The following RAP1GAP2 variants were observed in gnomAD, a reference collection of about 807,000 sequenced individuals.
The protein encoded by RAP1GAP2 is RAP1 GTPase activating protein 2.
A neutral mutation model predicts 95.0 loss-of-function variants in RAP1GAP2; 27 were observed. The ratio of observed to expected loss-of-function variants is 0.28; its 90% CI spans 0.21 to 0.39. The LOEUF is 0.39. Among genes scored for constraint, RAP1GAP2 ranks in the 10% least tolerant of loss-of-function variants. The pLI, the probability that RAP1GAP2 is intolerant of heterozygous loss-of-function variation, is 1.00. For synonymous variants in RAP1GAP2, 373 were observed against 380.9 expected, an observed-to-expected ratio of 0.98 and a Z score of 0.24; for missense variants, 771 against 970.0, an observed-to-expected ratio of 0.79 and a Z score of 2.72.
chr17:3,016,975 A>G (rs2046789738), intron 17 of RAP1GAP2, among the ~76,000 whole-genome samples: 1 of 152,212 alleles, frequency 6.6e-6, no homozygotes, highest in African/African-American at 2.4e-5. Flanking sequence ...GGAATGATCA[A>G]AGGGTTACTG....
chr17:2,821,373 CTTT>C (rs10566772), intron 2 of RAP1GAP2, among the ~76,000 whole-genome samples: 12 of 118,514 alleles, frequency 1.0e-4, no homozygotes, highest in African/African-American at 3.4e-4. Context: ...TTCTTTACAC[CTTT>C]TTTTTTTTTT....
chr17:2,807,690 C>T (rs1439999686), intron 2 of RAP1GAP2, among the ~76,000 whole-genome samples: 3 of 152,112 alleles, frequency 2.0e-5, no homozygotes, highest in Non-Finnish European at 2.9e-5. Context: ...CAGGTGGGAC[C>T]TGGGAGCAGT....
intron 1 of RAP1GAP2, among the ~76,000 whole-genome samples, chr17:2,785,590 CCAGTCA>C (rs1417727968): frequency 1.3e-5 from 2 of 152,184 alleles, no homozygotes; most frequent in Non-Finnish European, 2.9e-5. Flanking sequence ...CATGTAGCTC[CCAGTCA>C]CATTTCCCAC....
rs1247964025 is a variant in RAP1GAP2 at position 2,902,577 on chromosome 17, T to C, written c.81-2707T>C. On this transcript the variant is annotated intron_variant, in intron 2 of 24. Coordinates refer to ENST00000254695, the MANE Select transcript of RAP1GAP2 (RefSeq NM_015085.5). The surrounding 1 kb of genome is among the most constrained non-coding windows in gnomAD (Gnocchi z 4.1). ...CTTCTGCCCACCCTGGCACCCCCTC[T>C]GGAGTCCTGGACACAGCGCTGGAGC... Among the ~76,000 whole-genome samples the C allele has an allele frequency of 2.0e-5, 3 of 152,170 alleles. No homozygotes were observed. Among genetic ancestry groups the C allele is most frequent in the Non-Finnish European group, 4.4e-5 (3 of 68,020 alleles).
rs1567682270 is a variant in RAP1GAP2, at chr17:2,825,222, C to T, written c.80+24672C>T. ...TTGCTGGTATTATGGGTGTGAGCCACCACACCTAGTCCCATCTTCCCTTTC... is the reference window on the plus strand; with the variant it reads ...TTGCTGGTATTATGGGTGTGAGCCATCACACCTAGTCCCATCTTCCCTTTC... On this transcript the variant is annotated intron_variant, in intron 2 of 24. Coordinates refer to ENST00000254695, the MANE Select transcript of RAP1GAP2 (RefSeq NM_015085.5). The surrounding 1 kb of genome is among the most constrained non-coding windows in gnomAD (Gnocchi z 4.1). Among the ~76,000 whole-genome samples, 1 of 152,276 alleles carries T rather than the reference C, an allele frequency of 6.6e-6. No individual in the cohort carries two copies. The highest frequency in any genetic ancestry group is 1.9e-4 in the East Asian group (1 of 5,188).
At chr17:2,939,052 T>C (rs2043394541) in intron 3 of RAP1GAP2, among the ~76,000 whole-genome samples, 1 of 152,168 alleles carries the variant, frequency 6.6e-6, no homozygotes, top group African/African-American at 2.4e-5. Context: ...TCCCTATGCC[T>C]CTGCACACCC....
rs2042075086 is a variant in RAP1GAP2, at chr17:2,902,995, G to C, written c.81-2289G>C. On this transcript the variant is annotated intron_variant, in intron 2 of 24. Transcript: ENST00000254695. This position sits in a 1 kb window ranked among gnomAD's most constrained non-coding sequence, Gnocchi z 4.1. ...CCAGTGACCGGTGATGTTAAAACCA[G>C]CTCTGTCCTCCTCTGGACTGTGTGT... Among the ~76,000 whole-genome samples, 1 of 152,200 alleles carries C rather than the reference G, an allele frequency of 6.6e-6. No individual in the cohort carries two copies. The highest frequency in any genetic ancestry group is 6.5e-5 in the Admixed American group (1 of 15,270).
intron 3 of RAP1GAP2, among the ~76,000 whole-genome samples, chr17:2,926,971 A>C (rs1168535970): frequency 7.6e-6 from 1 of 132,450 alleles, no homozygotes; most frequent in Non-Finnish European, 1.6e-5. Context: ...GTGCCACTGC[A>C]CTCCAGCCTG....
At chr17:2,878,258 G>A (rs1432570312) in intron 2 of RAP1GAP2, among the ~76,000 whole-genome samples, 2 of 152,118 alleles carry the variant, frequency 1.3e-5, no homozygotes, top group Non-Finnish European at 2.9e-5. Context: ...CCTAGGAGGA[G>A]GAGCAGGTTG....
chr17:2,920,333 G>A (rs2042718057), intron 3 of RAP1GAP2, among the ~76,000 whole-genome samples: 1 of 152,150 alleles, frequency 6.6e-6, no homozygotes, highest in Admixed American at 6.5e-5. Context: ...TAGAGCACTT[G>A]GCATTCAGGG....
rs369422909 is a variant in RAP1GAP2 at position 2,825,523 on chromosome 17, C to A, written c.80+24973C>A. On this transcript the variant is annotated intron_variant, in intron 2 of 24. Coordinates refer to ENST00000254695, the MANE Select transcript of RAP1GAP2 (RefSeq NM_015085.5). This position sits in a 1 kb window ranked among gnomAD's most constrained non-coding sequence, Gnocchi z 4.1. ...AGCCAGCCGCCTCTGTTTTAGGAGC[C>A]GGGGATCCCTTTGTTGAATCCTGGC... is the stretch of plus-strand genomic sequence containing the variant. Among the ~76,000 whole-genome samples the A allele has an allele frequency of 6.6e-6, 1 of 152,036 alleles. No individual in the cohort carries two copies. The highest frequency in any genetic ancestry group is 1.9e-4 in the East Asian group (1 of 5,194).
At chr17:2,850,544 C>G (rs184753104) in intron 2 of RAP1GAP2, among the ~76,000 whole-genome samples, 7,943 of 149,202 alleles carry the variant, frequency 0.053, 464 homozygotes, top group African/African-American at 0.14. Flanking sequence ...GTCAGGAGAT[C>G]GAGACCATCC....
In RAP1GAP2 at chr17:3,008,734, C is replaced by T. The variant is rs1267745535; in HGVS notation, c.1494+589C>T. On this transcript the variant is annotated intron_variant, in intron 17 of 24. Transcript: ENST00000254695. This position sits in a 1 kb window ranked among gnomAD's most constrained non-coding sequence, Gnocchi z 4.2. ...TCCCTGGAAGTATTCAAGTGGAGCT[C>T]GGACGGCCCCCGAGCTGGCGTGTGG... 5.3e-5 allele frequency among the ~76,000 whole-genome samples: 8 copies of T among 152,196 alleles called. No homozygotes were observed. The highest frequency in any genetic ancestry group is 3.8e-4 in the East Asian group (2 of 5,196).
chr17:2,870,119 C>CTTT lies in RAP1GAP2; in HGVS notation c.81-35152_81-35150dup, dbSNP rs1218487336. Among the ~76,000 whole-genome samples the CTTT allele has an allele frequency of 7.1e-6, 1 of 141,240 alleles. No individual in the cohort carries two copies. The allele number at this position is 141,240 out of a possible 152,430, so 92.7% of individuals were successfully genotyped here. On this transcript the variant is annotated intron_variant, in intron 2 of 24. Coordinates refer to ENST00000254695, the MANE Select transcript of RAP1GAP2 (RefSeq NM_015085.5). This position sits in a 1 kb window ranked among gnomAD's most constrained non-coding sequence, Gnocchi z 4.4. ...GCACTCTGTGCTGCTGCTTGACAAT[C>CTTT]TTTTTTTTTTTTTTTGGAGATGGAG...
intron 1 of RAP1GAP2, among the ~76,000 whole-genome samples, chr17:2,769,603 AAAT>A (rs1434106993): frequency 2.6e-5 from 4 of 152,040 alleles, no homozygotes; most frequent in African/African-American, 9.6e-5. Flanking sequence ...AAATAAAATA[AAAT>A]AAAAAAGAAA....
At chr17:2,794,266 G>C (rs895738810), upstream of RAP1GAP2, among the ~76,000 whole-genome samples, 7 of 152,062 alleles carry the variant, frequency 4.6e-5, no homozygotes, top group African/African-American at 1.7e-4. Context: ...GGTTTACTTA[G>C]GTCTCCTGAA....
intron 2 of RAP1GAP2, among the ~76,000 whole-genome samples, chr17:2,820,142 A>G (rs536542286): frequency 4.6e-5 from 7 of 152,024 alleles, no homozygotes; most frequent in African/African-American, 1.4e-4. Flanking sequence ...TTTTTTTTGT[A>G]TCCCCCATTG....
At chr17:2,798,306 G>A (rs941167802) in intron 1 of RAP1GAP2, among the ~76,000 whole-genome samples, 3 of 152,156 alleles carry the variant, frequency 2.0e-5, no homozygotes, top group Non-Finnish European at 2.9e-5. Context: ...GCCCTGCCCC[G>A]TCGCGTTCAC....
intron 2 of RAP1GAP2, chr17:2,853,997 T>C (rs1337788221): frequency 2.0e-6 from 2 of 984,298 alleles, no homozygotes; most frequent in African/African-American, 1.8e-5. Context: ...GGCCTCGCCA[T>C]GTCCCAGCCC....
Sources: gnomAD v4.1 joint callset for allele counts (sites outside exome capture counted in the v4.1 genomes callset) on GRCh38, gnomAD v4.1.1 for gene constraint, Gnocchi (gnomAD v3.1) non-coding constraint, MANE v1.5 for transcripts, NCBI Gene and HGNC (gene_info 2026-07-23, HGNC 2026-07-21) for gene names.